DUSP4: variants seen among roughly 807,000 people sequenced by gnomAD.
The protein encoded by DUSP4 is dual specificity phosphatase 4.
Under a neutral mutation model 27.2 loss-of-function variants are expected in DUSP4, and 12 were observed. That is an observed-to-expected ratio of 0.44 (90% CI 0.28 to 0.71). DUSP4 has a LOEUF of 0.71. Ranked by LOEUF, DUSP4 falls within the 30% of genes least tolerant of loss-of-function variation. The pLI is 0.14. For missense variants in DUSP4, 448 were observed against 551.3 expected (o/e 0.81, Z 1.88); for synonymous variants, 257 against 245.2 (o/e 1.05, Z -0.45).
chr8:29,349,185 GT>G (rs1400314531), intron 1 of DUSP4, among the ~76,000 whole-genome samples: 3 of 152,200 alleles, frequency 2.0e-5, no homozygotes, highest in Non-Finnish European at 2.9e-5. Flanking sequence ...TCCGCCCGGC[GT>G]CCCCCAGATA....
intron 2 of DUSP4, among the ~76,000 whole-genome samples, chr8:29,338,832 T>G (rs1817616225): frequency 6.6e-6 from 1 of 152,226 alleles, no homozygotes; most frequent in Non-Finnish European, 1.5e-5. Context: ...TGAGTTTATA[T>G]CTGCTAATCA....
Position 29,340,306 on chromosome 8 carries a change from C to T in DUSP4, c.434-63G>A, listed in dbSNP as rs896651261. The T allele has an allele frequency of 9.3e-5, 143 of 1,533,942 alleles. 4 individuals carry two copies. Among genetic ancestry groups the T allele is most frequent in the South Asian group, 5.7e-4 (45 of 78,372 alleles). On this transcript the variant is annotated intron_variant, in intron 1 of 3. Coordinates refer to ENST00000240100, the MANE Select transcript of DUSP4 (RefSeq NM_001394.7). ...TAAGCCAGCAGGAAGTCAGAAAGAA[C>T]TCGACTCCTACAGACTCAGGCGGAC... is the stretch of plus-strand genomic sequence containing the variant.
intron 1 of DUSP4, chr8:29,345,282 G>T: frequency 6.6e-7 from 1 of 1,504,474 alleles, no homozygotes; most frequent in African/African-American, 1.4e-5. Context: ...TTTGCCTTTG[G>T]GAACTCTACT....
chr8:29,350,076 C>T lies in DUSP4; in HGVS notation c.203G>A (p.Arg68His). 1 of 1,605,652 alleles carries T rather than the reference C, an allele frequency of 6.2e-7. No individual in the cohort carries two copies. Among genetic ancestry groups the T allele is most frequent in the South Asian group, 1.1e-5 (1 of 90,430 alleles). ...CCGCCGCCGCACGATGGTGTTACAG[C>T]GCACGTTGACCGAACCTAGGATGTA... The part of the protein sequence containing the change: ...AGYILGSVNV[R>H]CNTIVRRRAK... Residue 68 changes from arginine to histidine, a missense_variant, in exon 1 of 4, where the codon CGC (arginine) becomes CAC (histidine). Arg to His is a conservative substitution (Grantham distance 29). Coordinates refer to ENST00000240100, the MANE Select transcript of DUSP4 (RefSeq NM_001394.7).
chr8:29,342,119 G>C (rs1232377812), intron 1 of DUSP4, among the ~76,000 whole-genome samples: 4 of 152,134 alleles, frequency 2.6e-5, no homozygotes, highest in Non-Finnish European at 5.9e-5. Context: ...GCCAGGGCAG[G>C]CCCCACGGTC....
rs1276730739 is a variant in DUSP4, at chr8:29,345,359, G to A, written c.433+4487C>T. On this transcript the variant is annotated intron_variant, in intron 1 of 3. Coordinates refer to ENST00000240100, the MANE Select transcript of DUSP4 (RefSeq NM_001394.7). ...AGCTGTATTTAAAATCCAACTAAGT[G>A]AACTTCTCACCTTGAGACTCTGAAC... The A allele has an allele frequency of 5.0e-6, 8 of 1,613,526 alleles. No individual in the cohort carries two copies. In the East Asian group the frequency reaches 1.8e-4, roughly 36 times the overall value.
chr8:29,342,225 C>G (rs1015437807), intron 1 of DUSP4, among the ~76,000 whole-genome samples: 9 of 152,214 alleles, frequency 5.9e-5, no homozygotes, highest in African/African-American at 1.9e-4. Context: ...GAACAGGGCA[C>G]TGGAGTGAAG....
intron 1 of DUSP4, chr8:29,346,111 T>C (rs948359991): frequency 3.1e-6 from 3 of 981,232 alleles, no homozygotes; most frequent in African/African-American, 1.7e-5. Flanking sequence ...TCACCAGAGT[T>C]TCCAGAGCTG....
At chr8:29,347,287 C>T (rs904398660) in intron 1 of DUSP4, among the ~76,000 whole-genome samples, 4 of 152,290 alleles carry the variant, frequency 2.6e-5, no homozygotes, top group Non-Finnish European at 5.9e-5. Context: ...TTCCCCAGCC[C>T]CTTCCCGCAG....
rs7842999 is a variant in DUSP4, at chr8:29,337,492, C to A, written c.800-81G>T. 2 of 1,505,320 alleles carry A rather than the reference C, an allele frequency of 1.3e-6. No individual in the cohort carries two copies. The highest frequency in any genetic ancestry group is 4.3e-5 in the Admixed American group (2 of 46,372). 93.2% of individuals were successfully genotyped at this position (1,505,320 alleles called of 1,614,324 possible). On this transcript the variant is annotated intron_variant, in intron 3 of 3. Transcript: ENST00000240100. This position sits in a 1 kb window ranked among gnomAD's most constrained non-coding sequence, Gnocchi z 6.4. ...AGGGGCACCGGCCAGCCCCTGGGGTCGGGGGGCTCTGAAGGAAGGACTAGC... is the reference window on the plus strand; with the variant it reads ...AGGGGCACCGGCCAGCCCCTGGGGTAGGGGGGCTCTGAAGGAAGGACTAGC...
At chr8:29,346,267 A>T (rs4732927) in intron 1 of DUSP4, among the ~76,000 whole-genome samples, 15,393 of 152,172 alleles carry the variant, frequency 0.1, 1,244 homozygotes, top group African/African-American at 0.22. Context: ...AGAAACTGGA[A>T]TATCTAGATG....
chr8:29,350,063 G>T lies in DUSP4; in HGVS notation c.216C>A (p.Ile72=). 6.2e-7 allele frequency: 1 copy of T among 1,602,884 alleles called. No individual in the cohort carries two copies. The highest frequency in any genetic ancestry group is 1.1e-5 in the South Asian group (1 of 90,112). The change falls in exon 1 of 4, where the codon ATC becomes ATA. Residue 72 remains isoleucine, a synonymous_variant. Transcript: ENST00000240100. The stretch of plus-strand genomic sequence containing the variant: ...CGGAGCCCTTAGCCCGCCGCCGCAC[G>T]ATGGTGTTACAGCGCACGTTGACCG... ...LGSVNVRCNT[I]VRRRAKGSVS...
At chr8:29,346,110 T>C in intron 1 of DUSP4, 1 of 980,932 alleles carries the variant, frequency 1.0e-6, no homozygotes, top group Non-Finnish European at 1.2e-6. Context: ...GTCACCAGAG[T>C]TTCCAGAGCT....
chr8:29,343,183 A>AT (rs1021689763), intron 1 of DUSP4, among the ~76,000 whole-genome samples: 2 of 151,520 alleles, frequency 1.3e-5, no homozygotes, highest in Non-Finnish European at 2.9e-5. Flanking sequence ...AAAAAAAAAA[A>AT]AAAGGAACAA....
rs1404597841 is a variant in DUSP4 at position 29,340,263 on chromosome 8, T to C, written c.434-20A>G. ...AGCCGCCTGTAAAGGAGAAAGAAGC[T>C]CAGGTTAATGGGGTCACTAAGCCAG... is the stretch of plus-strand genomic sequence containing the variant. On this transcript the variant is annotated intron_variant, in intron 1 of 3. Transcript: ENST00000240100. 6.3e-7 allele frequency: 1 copy of C among 1,597,172 alleles called. No homozygotes were observed. The highest frequency in any genetic ancestry group is 8.5e-7 in the Non-Finnish European group (1 of 1,171,614).
intron 1 of DUSP4, chr8:29,345,254 G>A (rs1040948461): frequency 2.4e-6 from 3 of 1,237,270 alleles, no homozygotes; most frequent in Non-Finnish European, 3.4e-6. Context: ...AAGAAAGTCT[G>A]GGGTTGTTTG....
At chr8:29,338,626 G>T in intron 2 of DUSP4, 125 bp from the exon 3 acceptor site, 1 of 1,050,738 alleles carries the variant, frequency 9.5e-7, no homozygotes. Context: ...GCTGGGCCTG[G>T]CCCTCCCAGC....
chr8:29,348,833 C>G (rs1044445890), intron 1 of DUSP4: 2 of 984,206 alleles, frequency 2.0e-6, no homozygotes, highest in Non-Finnish European at 2.4e-6. Context: ...GCAGACCCTA[C>G]CCGCGCGGAA....
At chr8:29,341,068 A>T (rs1257721576) in intron 1 of DUSP4, among the ~76,000 whole-genome samples, 1 of 152,220 alleles carries the variant, frequency 6.6e-6, no homozygotes, top group Admixed American at 6.5e-5. Flanking sequence ...TTCAAGCCCT[A>T]TCTCTGGCTT....
Sources: gnomAD v4.1 joint callset for allele counts (sites outside exome capture counted in the v4.1 genomes callset) on GRCh38, gnomAD v4.1.1 for gene constraint, Gnocchi (gnomAD v3.1) non-coding constraint, MANE v1.5 for transcripts, NCBI Gene and HGNC (gene_info 2026-07-23, HGNC 2026-07-21) for gene names.